VWA8: variants seen among roughly 807,000 people sequenced by gnomAD.
VWA8 encodes the protein von Willebrand factor A domain containing 8, also known as von Willebrand factor A domain-containing protein 8.
In VWA8, 221 loss-of-function variants were observed where a neutral mutation model predicts 241.5. The observed-to-expected ratio is 0.91, with a 90% CI of 0.82 to 1.02. The LOEUF is 1.02. Ranked by LOEUF, VWA8 falls within the 50% of genes least tolerant of loss-of-function variation. The probability of loss-of-function intolerance (pLI) is 0.00; values close to 1 mark genes in which losing one functional copy is unlikely to be tolerated. For synonymous variants in VWA8, 852 were observed against 827.1 expected (o/e 1.03, Z -0.52); for missense variants, 2,322 against 2,328.7 (o/e 1.00, Z 0.06).
intron 21 of VWA8, among the ~76,000 whole-genome samples, chr13:41,738,922 AAATC>A (rs1371252961): frequency 6.6e-6 from 1 of 152,212 alleles, no homozygotes; most frequent in East Asian, 1.9e-4. Context: ...TCCACTGCAT[AAATC>A]TTTAGCAGTA....
intron 25 of VWA8, 77 bp from the exon 26 acceptor site, chr13:41,719,819 A>G: frequency 7.4e-7 from 1 of 1,354,096 alleles, no homozygotes; most frequent in Non-Finnish European, 9.9e-7. Context: ...AATGGATAGG[A>G]CAATAATGAT....
chr13:41,572,699 T>C (rs1484425033), intron 43 of VWA8, among the ~76,000 whole-genome samples: 2 of 150,702 alleles, frequency 1.3e-5, no homozygotes. Context: ...CAGAGACCCT[T>C]GTTCACATGT....
Position 41,653,329 on chromosome 13 carries a change from C to G in VWA8, c.4611+17617G>C, listed in dbSNP as rs142717837. On this transcript the variant is annotated intron_variant, in intron 37 of 44. Coordinates refer to ENST00000379310, the MANE Select transcript of VWA8 (RefSeq NM_015058.2). ...CAATAGCCACAAACAGAATAAAATA[C>G]CTAAGAATACAGCTAATCAGCGAGA... is the stretch of plus-strand genomic sequence containing the variant. Among the ~76,000 whole-genome samples, 257 of 152,242 alleles carry G rather than the reference C, an allele frequency of 1.7e-3. 1 individual carries two copies. Among genetic ancestry groups the G allele is most frequent in the African/African-American group, 5.9e-3 (247 of 41,546 alleles).
At chr13:41,848,618 G>A (rs1012497977) in intron 12 of VWA8, among the ~76,000 whole-genome samples, 1 of 152,166 alleles carries the variant, frequency 6.6e-6, no homozygotes, top group African/African-American at 2.4e-5. Context: ...GAAGGTGCCT[G>A]CTTCTCCTTT....
intron 37 of VWA8, among the ~76,000 whole-genome samples, chr13:41,617,010 T>A (rs2044625082): frequency 6.6e-6 from 1 of 151,966 alleles, no homozygotes. Context: ...ACACCTGCAA[T>A]CCCAGCACTG....
Position 41,886,796 on chromosome 13 carries a change from T to A in VWA8, c.851A>T (p.Asn284Ile), listed in dbSNP as rs41288299. The change falls in exon 7 of 45, where the codon AAT becomes ATT. Residue 284 changes from asparagine to isoleucine, a missense_variant. By Grantham distance (149) the Asn-to-Ile change is moderately radical. Transcript: ENST00000379310. ...ATATACTTACTTCTCAGCAGAAACATTGGCTCCAATTGAATATAACAACTT... is the reference window on the plus strand; with the variant it reads ...ATATACTTACTTCTCAGCAGAAACAATGGCTCCAATTGAATATAACAACTT... ...QLKLLYSIGA[N>I]VSAEKVSQLL... 6.3e-7 allele frequency: 1 copy of A among 1,593,398 alleles called. No individual in the cohort carries two copies. The highest frequency in any genetic ancestry group is 1.2e-5 in the South Asian group (1 of 86,326).
chr13:41,788,548 TA>T (rs929527546), intron 17 of VWA8, among the ~76,000 whole-genome samples: 24 of 152,208 alleles, frequency 1.6e-4, no homozygotes, highest in Admixed American at 1.3e-4. Flanking sequence ...TCTATGCTAG[TA>T]ACTCCTCAGT....
chr13:41,685,069 A>T lies in VWA8; in HGVS notation c.4305T>A (p.Pro1435=), dbSNP rs773596054. ...TACCTTTTGGGTAGATATCTTTTAG[A>T]GGGACTTCTCCTGGGGGTAAAATCC... ...VVRILPPGEV[P]LKDIYPKDVT... is the part of the protein sequence containing the mutation. The change falls in exon 35 of 45, where the codon CCT becomes CCA. Residue 1435 remains proline (P), a synonymous_variant. Transcript: ENST00000379310. 4 of 1,613,230 alleles carry T rather than the reference A, an allele frequency of 2.5e-6. No homozygotes were observed. The South Asian group carries it at 4.4e-5, about 18-fold the overall frequency.
At chr13:41,797,993 G>A (rs1360958783) in intron 17 of VWA8, among the ~76,000 whole-genome samples, 1 of 151,664 alleles carries the variant, frequency 6.6e-6, no homozygotes, top group Non-Finnish European at 1.5e-5. Context: ...ATTCCTATTT[G>A]CTTATCTCTA....
chr13:41,612,663 G>A (rs370598495), intron 38 of VWA8, among the ~76,000 whole-genome samples: 21 of 152,118 alleles, frequency 1.4e-4, no homozygotes, highest in African/African-American at 4.8e-4. Context: ...CCTATTTAGG[G>A]GTAGATTAGA....
intron 1 of VWA8, among the ~76,000 whole-genome samples, chr13:41,959,673 G>A (rs1003923524): frequency 4.3e-5 from 6 of 139,582 alleles, no homozygotes; most frequent in African/African-American, 1.3e-4. Flanking sequence ...AGTGGCTCCG[G>A]TCACTCCAAG....
At chr13:41,848,470 G>A (rs1872384327) in intron 12 of VWA8, among the ~76,000 whole-genome samples, 1 of 152,140 alleles carries the variant, frequency 6.6e-6, no homozygotes, top group South Asian at 2.1e-4. Flanking sequence ...GGCGGAACCA[G>A]GTGGAGATGA....
At chr13:41,649,092 C>T (rs928324064) in intron 37 of VWA8, among the ~76,000 whole-genome samples, 1 of 151,934 alleles carries the variant, frequency 6.6e-6, no homozygotes, top group Non-Finnish European at 1.5e-5. Flanking sequence ...GGCTGAGGCA[C>T]GAGAATCACT....
rs371433515 is a variant in VWA8 at position 41,677,330 on chromosome 13, C to A, written c.4328-2034G>T. Among the ~76,000 whole-genome samples, 5 of 152,280 alleles carry A rather than the reference C, an allele frequency of 3.3e-5. No individual in the cohort carries two copies. The East Asian group carries it at 7.7e-4, about 24-fold the overall frequency. Reference sequence around the variant, plus strand: ...TGCTACACTGATTTCTATTCCACAGCCCTGAGTAACCATCATCCTCAAAAT... The same window carrying A: ...TGCTACACTGATTTCTATTCCACAGACCTGAGTAACCATCATCCTCAAAAT... On this transcript the variant is annotated intron_variant, in intron 35 of 44. Transcript: ENST00000379310.
intron 20 of VWA8, among the ~76,000 whole-genome samples, chr13:41,768,746 T>G (rs1008202163): frequency 2.0e-5 from 3 of 152,164 alleles, no homozygotes; most frequent in Non-Finnish European, 2.9e-5. Flanking sequence ...GAATAAAAGG[T>G]TTATATTCAA....
chr13:41,691,330 T>C lies in VWA8; in HGVS notation c.3856A>G (p.Lys1286Glu). The C allele has an allele frequency of 8.1e-6, 13 of 1,612,296 alleles. No individual in the cohort carries two copies. The highest frequency in any genetic ancestry group is 1.0e-5 in the Non-Finnish European group (12 of 1,178,756). ...AEDKWLLVES[K>E]TNQKYLLTKP... is the part of the protein sequence containing the mutation. ...TATAAAGCCACTCACTGATTTGTTT[T>C]GCTCTCCACCAGAAGCCATTTGTCC... The change falls in exon 32 of 45, where the codon AAA becomes GAA. Residue 1286 changes from lysine to glutamate, a missense_variant. Coordinates refer to ENST00000379310, the MANE Select transcript of VWA8 (RefSeq NM_015058.2).
At chr13:41,857,463 A>C (rs1872801613) in intron 12 of VWA8, among the ~76,000 whole-genome samples, 1 of 152,180 alleles carries the variant, frequency 6.6e-6, no homozygotes, top group Non-Finnish European at 1.5e-5. Flanking sequence ...TTACAATTTA[A>C]TTTATAAAAT....
At chr13:41,897,731 C>T (rs1238480400) in intron 4 of VWA8, among the ~76,000 whole-genome samples, 1 of 152,018 alleles carries the variant, frequency 6.6e-6, no homozygotes, top group African/African-American at 2.4e-5. Flanking sequence ...TGCAGACCTT[C>T]GCTGTGAGTG....
intron 37 of VWA8, among the ~76,000 whole-genome samples, chr13:41,623,942 A>C (rs2044673241): frequency 6.6e-6 from 1 of 152,196 alleles, no homozygotes; most frequent in South Asian, 2.1e-4. Context: ...ATAAAGAAAT[A>C]AGAGAGAAGA....
Sources: allele counts gnomAD v4.1 joint callset (sites outside exome capture counted in the v4.1 genomes callset), GRCh38; gene constraint gnomAD v4.1.1; transcripts MANE v1.5; gene names NCBI Gene and HGNC (gene_info 2026-07-23, HGNC 2026-07-21).